The following TMEM243 variants were observed in gnomAD, a reference collection of about 807,000 sequenced individuals.
TMEM243 encodes the protein MDR1 and mitochondrial taxol resistance associated.
TMEM243 carries 20 observed loss-of-function variants against 15.0 expected under a neutral mutation model. The observed-to-expected ratio is 1.33, with a 90% CI of 0.94 to 1.93. The LOEUF (loss-of-function observed/expected upper bound fraction) is 1.93, where lower values mean the gene tolerates loss of function less well. Among genes scored for constraint, TMEM243 ranks in the 30% most tolerant of loss-of-function variants. The pLI is 0.00. For missense variants in TMEM243, 156 were observed against 142.1 expected (o/e 1.10, Z -0.50); for synonymous variants, 72 against 52.7 (o/e 1.37, Z -1.59).
At chr7:87,196,892 C>G in intron 3 of TMEM243, 134 bp from the exon 4 acceptor site, 1 of 622,502 alleles carries the variant, frequency 1.6e-6, no homozygotes, top group East Asian at 3.0e-5. Context: ...TCTCTACATT[C>G]CTGAGATCAG....
chr7:87,218,094 C>G, intron 1 of TMEM243, among the ~76,000 whole-genome samples: 1 of 152,250 alleles, frequency 6.6e-6, no homozygotes, highest in Non-Finnish European at 1.5e-5. Flanking sequence ...CTTGTCTGTA[C>G]CCTAACATGT....
At chr7:87,197,672 C>G in intron 3 of TMEM243, 1 of 1,291,880 alleles carries the variant, frequency 7.7e-7, no homozygotes, top group Non-Finnish European at 1.0e-6. Context: ...CTTTGGCCAC[C>G]TACGTCTTTC....
In TMEM243 at chr7:87,219,601, C is replaced by G. The variant is rs181298788; in HGVS notation, c.-98G>C. 1.7e-5 allele frequency: 19 copies of G among 1,096,588 alleles called. No individual in the cohort carries two copies. Among genetic ancestry groups the G allele is most frequent in the African/African-American group, 1.3e-4 (8 of 63,904 alleles). 67.9% of individuals were successfully genotyped at this position (1,096,588 alleles called of 1,614,324 possible). ...GACTGCAAGCCTCCTCCTCACGGCT[C>G]CCGCATAGCCGAACCCGAGTGGTCG... On this transcript the variant is annotated 5_prime_UTR_variant, in exon 1 of 4. Coordinates refer to ENST00000257637, the MANE Select transcript of TMEM243 (RefSeq NM_024315.4).
intron 1 of TMEM243, chr7:87,203,082 C>G (rs1181526279): frequency 6.6e-6 from 1 of 152,280 alleles, no homozygotes; most frequent in African/African-American, 2.4e-5. Flanking sequence ...CTAGCTCTGC[C>G]CTCAGCTCCT....
chr7:87,212,185 C>G (rs1210898318), intron 1 of TMEM243, among the ~76,000 whole-genome samples: 1 of 152,146 alleles, frequency 6.6e-6, no homozygotes, highest in East Asian at 1.9e-4. Context: ...CAGTAAATGG[C>G]AGCTAATATG....
At chr7:87,197,809 A>G in intron 3 of TMEM243, 132 bp downstream of exon 3, 2 of 1,536,106 alleles carry the variant, frequency 1.3e-6, no homozygotes, top group Admixed American at 4.0e-5. Flanking sequence ...GAATTCTAAC[A>G]TACTTTTAGG....
intron 3 of TMEM243, chr7:87,197,552 G>A (rs1371895180): frequency 5.5e-6 from 2 of 364,856 alleles, no homozygotes; most frequent in Non-Finnish European, 4.6e-6. Context: ...GTAATAATTA[G>A]AATTAAATCC....
intron 1 of TMEM243, among the ~76,000 whole-genome samples, chr7:87,200,435 C>G (rs1454861509): frequency 6.6e-6 from 1 of 151,896 alleles, no homozygotes; most frequent in African/African-American, 2.4e-5. Context: ...TGTAGAGAGA[C>G]AAAATCCATG....
At chr7:87,209,652 GAGAC>G (rs763601289) in intron 1 of TMEM243, among the ~76,000 whole-genome samples, 580 of 27,306 alleles carry the variant, frequency 0.021, 17 homozygotes, top group African/African-American at 0.13. Context: ...GAGACAGTGA[GAGAC>G]AGAGCGAGAG....
At chr7:87,203,281 C>T (rs905484622) in intron 1 of TMEM243, among the ~76,000 whole-genome samples, 3 of 151,830 alleles carry the variant, frequency 2.0e-5, no homozygotes, top group Admixed American at 2.0e-4. Flanking sequence ...TTCGAAAAGG[C>T]TTTGGGGAAT....
At chr7:87,216,675 A>G (rs1303701958) in intron 1 of TMEM243, 1 of 152,248 alleles carries the variant, frequency 6.6e-6, no homozygotes, top group Non-Finnish European at 1.5e-5. Flanking sequence ...GGTGCTGCTC[A>G]AGGCCAACTT....
At chr7:87,210,039 GAGAC>G (rs1402332106) in intron 1 of TMEM243, among the ~76,000 whole-genome samples, 3 of 107,978 alleles carry the variant, frequency 2.8e-5, no homozygotes, top group South Asian at 4.8e-4. Context: ...AGGTGACAGA[GAGAC>G]AGAGGAGGGG....
At position 87,219,667 on chromosome 7, in the gene TMEM243, G is replaced by A; in HGVS notation, c.-164C>T. ...CAGGGATGGGTGGGGGCTCACACGC[G>A]GGGAACGCGACTGCTCCGCCCCGGC... On this transcript the variant is annotated 5_prime_UTR_variant, in exon 1 of 4. Transcript: ENST00000257637. The A allele has an allele frequency of 1.6e-6, 1 of 633,534 alleles. No homozygotes were observed. Among genetic ancestry groups the A allele is most frequent in the Non-Finnish European group, 2.8e-6 (1 of 358,280 alleles). 39.2% of individuals were successfully genotyped at this position (633,534 alleles called of 1,614,324 possible). A position where few individuals can be genotyped will look rare whatever the true frequency, so the allele number is the denominator to read the frequency against.
At chr7:87,218,550 T>G (rs963164657) in intron 1 of TMEM243, 1 of 151,928 alleles carries the variant, frequency 6.6e-6, no homozygotes, top group Admixed American at 6.6e-5. Flanking sequence ...CTTTGGAGAG[T>G]TGAAAGCACT....
chr7:87,200,234 A>AGAACAAAAGATACT (rs1447355430), intron 1 of TMEM243, among the ~76,000 whole-genome samples: 5 of 152,200 alleles, frequency 3.3e-5, no homozygotes, highest in Non-Finnish European at 5.9e-5. Context: ...GAAAGGTTAC[A>AGAACAAAAGATACT]GAACAAAAGA....
In TMEM243 at chr7:87,198,023, A is replaced by C. The variant is rs1232892770; in HGVS notation, c.152T>G (p.Val51Gly). 2 of 1,612,552 alleles carry C rather than the reference A, an allele frequency of 1.2e-6. No homozygotes were observed. The highest frequency in any genetic ancestry group is 1.7e-6 in the Non-Finnish European group (2 of 1,179,092). The change falls in exon 3 of 4, where the codon GTT becomes GGT. Residue 51 changes from valine to glycine, a missense_variant. By Grantham distance (109) the Val-to-Gly change is moderately radical (BLOSUM62 -3). Coordinates refer to ENST00000257637, the MANE Select transcript of TMEM243 (RefSeq NM_024315.4). ...CGGTTTTGGAGGTAGTTGAGGGAAA[A>C]CAAAAGCACTTATCAGCGTTACCTG... The part of the protein sequence containing the change: ...LILVTLISAF[V>G]FPQLPPKPLN...
At chr7:87,209,680 GACAC>G (rs1269814303) in intron 1 of TMEM243, among the ~76,000 whole-genome samples, 6 of 124,882 alleles carry the variant, frequency 4.8e-5, no homozygotes, top group African/African-American at 1.9e-4. Flanking sequence ...GCGAGAGCGA[GACAC>G]AGCGAGAGAG....
At chr7:87,216,010 C>T (rs912141586) in intron 1 of TMEM243, among the ~76,000 whole-genome samples, 4 of 152,090 alleles carry the variant, frequency 2.6e-5, no homozygotes, top group Non-Finnish European at 5.9e-5. Flanking sequence ...GTGGCTCACG[C>T]CTGTAATCCC....
rs142810375 is a variant in TMEM243, at chr7:87,209,551, T to TGAGAGAGAGACAATGA, written c.78+9874_78+9875insTCATTGTCTCTCTCTC. Among the ~76,000 whole-genome samples, 12 of 143,878 alleles carry TGAGAGAGAGACAATGA rather than the reference T, an allele frequency of 8.3e-5. No homozygotes were observed. In the East Asian group the frequency reaches 1.3e-3, roughly 16 times the overall value. The allele number at this position is 143,878 out of a possible 152,430, so 94.4% of individuals were successfully genotyped here. The stretch of plus-strand genomic sequence containing the variant: ...GAGTGAGAGAGAAAGTGAGAGACAA[T>TGAGAGAGAGACAATGA]GAGAGAGACAATGAGAGAGAGACAG... On this transcript the variant is annotated intron_variant, in intron 1 of 3. Transcript: ENST00000257637.
Sources: gnomAD v4.1 joint callset for allele counts (sites outside exome capture counted in the v4.1 genomes callset) on GRCh38, gnomAD v4.1.1 for gene constraint, MANE v1.5 for transcripts, NCBI Gene and HGNC (gene_info 2026-07-23, HGNC 2026-07-21) for gene names.